BIRC6: variants seen among roughly 807,000 people sequenced by gnomAD.
BIRC6 encodes the protein dual E2 ubiquitin-conjugating enzyme/E3 ubiquitin-protein ligase BIRC6.
BIRC6 carries 98 observed loss-of-function variants against 503.3 expected under a neutral mutation model. The observed-to-expected ratio is 0.19, with a 90% CI of 0.17 to 0.23. The LOEUF (loss-of-function observed/expected upper bound fraction) is 0.23, where lower values mean the gene tolerates loss of function less well. Among genes scored for constraint, BIRC6 ranks in the 10% least tolerant of loss-of-function variants. BIRC6 has a pLI of 1.00. For synonymous variants in BIRC6, 2,240 were observed against 2,078.7 expected, an observed-to-expected ratio of 1.08 and a Z score of -2.11; for missense variants, 5,360 against 5,806.0, an observed-to-expected ratio of 0.92 and a Z score of 2.50.
chr2:32,605,063 A>G (rs1043343317), intron 71 of BIRC6, among the ~76,000 whole-genome samples: 2 of 151,930 alleles, frequency 1.3e-5, no homozygotes, highest in African/African-American at 4.8e-5. Flanking sequence ...TTGTATTTTT[A>G]GTAGAGACAG....
chr2:32,508,108 G>T lies in BIRC6; in HGVS notation c.9829G>T (p.Ala3277Ser). 1.2e-6 allele frequency: 2 copies of T among 1,613,840 alleles called. No homozygotes were observed. The highest frequency in any genetic ancestry group is 1.7e-6 in the Non-Finnish European group (2 of 1,179,886). Residue 3277 changes from alanine to serine, a missense_variant, in exon 51 of 74, where the codon GCT becomes TCT. By Grantham distance (99) the Ala-to-Ser change is moderately conservative. Around this residue, in one of 16 missense-constraint regions of BIRC6, gnomAD observed 62 missense variants for 107.4 expected, o/e 0.58. Transcript: ENST00000421745. Reference protein sequence around the residue: ...IQLVKAEVASAVCLRLHRPRD... With the variant: ...IQLVKAEVASSVCLRLHRPRD... ...GCTTGTAAAAGCCGAAGTAGCTTCT[G>T]CTGTCTGCCTTAGACTACATCGTCC...
intron 15 of BIRC6, among the ~76,000 whole-genome samples, chr2:32,438,557 TC>T (rs143173797): frequency 6.7e-6 from 1 of 149,792 alleles, no homozygotes; most frequent in African/African-American, 2.5e-5. Context: ...ATTTGAGTGT[TC>T]TTTTTTTTTT....
In BIRC6 at chr2:32,561,814, C is replaced by T. The variant is rs190178063; in HGVS notation, c.13144+12333C>T. On this transcript the variant is annotated intron_variant, in intron 65 of 73. Coordinates refer to ENST00000421745, the MANE Select transcript of BIRC6 (RefSeq NM_016252.4). ...ATCCCAGCGCTTTGGGAGGCTGAGGCGGGCGGATCACGAGGTCAGGAGTTC... is the reference window on the plus strand; with the variant it reads ...ATCCCAGCGCTTTGGGAGGCTGAGGTGGGCGGATCACGAGGTCAGGAGTTC... 2.7e-3 allele frequency among the ~76,000 whole-genome samples: 408 copies of T among 150,320 alleles called. 6 individuals carry two copies. The highest frequency in any genetic ancestry group is 2.4e-4 in the Non-Finnish European group (16 of 67,152).
chr2:32,607,980 A>AG (rs2062584481), intron 72 of BIRC6, among the ~76,000 whole-genome samples: 1 of 148,050 alleles, frequency 6.8e-6, no homozygotes, highest in Non-Finnish European at 1.5e-5. Context: ...ATCTCCAAAA[A>AG]AAAAAAAAAA....
intron 66 of BIRC6, among the ~76,000 whole-genome samples, chr2:32,586,958 C>T (rs962903245): frequency 6.6e-6 from 1 of 152,126 alleles, no homozygotes; most frequent in Admixed American, 6.5e-5. Context: ...GAACTCATAC[C>T]TCCTAATGTC....
At chr2:32,548,225 T>G (rs1053667152) in intron 64 of BIRC6, among the ~76,000 whole-genome samples, 1 of 151,998 alleles carries the variant, frequency 6.6e-6, no homozygotes. Flanking sequence ...GCTTCTTCAC[T>G]GAGAGGAAAG....
At position 32,477,427 on chromosome 2, in the gene BIRC6, C is replaced by T; in HGVS notation, c.6912C>T (p.Asp2304=). The T allele has an allele frequency of 6.2e-7, 1 of 1,613,914 alleles. No individual in the cohort carries two copies. The highest frequency in any genetic ancestry group is 1.1e-5 in the South Asian group (1 of 91,078). Reference sequence around the variant, plus strand: ...CAGAATGGTCCCGTTCTAATTTAGACACAGAAGTTACAACAGCAAAAGAAA... The same window carrying T: ...CAGAATGGTCCCGTTCTAATTTAGATACAGAAGTTACAACAGCAAAAGAAA... The part of the protein sequence containing the change: ...RTAEWSRSNL[D]TEVTTAKESP... Residue 2304 remains aspartate, a synonymous_variant, in exon 35 of 74, where the codon GAC becomes GAT. Transcript: ENST00000421745.
At chr2:32,426,924 T>G (rs569208237) in intron 10 of BIRC6, among the ~76,000 whole-genome samples, 1 of 152,318 alleles carries the variant, frequency 6.6e-6, no homozygotes, top group South Asian at 2.1e-4. Flanking sequence ...TGTTGACAGT[T>G]TCTTTCTGTA....
At position 32,599,915 on chromosome 2, in the gene BIRC6, AT is replaced by A. The variant is rs762532731; in HGVS notation, c.13992+21del. ...ATGATGGCAAGGTAAATTAATTGCA[AT>A]TTTTTGTTTCAAATGCCAATGATTG... On this transcript the variant is annotated intron_variant, in intron 70 of 73. Coordinates refer to ENST00000421745, the MANE Select transcript of BIRC6 (RefSeq NM_016252.4). 2.2e-5 allele frequency: 35 copies of A among 1,606,006 alleles called. No individual in the cohort carries two copies. In the South Asian group the frequency reaches 3.8e-4, roughly 17 times the overall value.
chr2:32,615,353 A>C (rs548908656), intron 73 of BIRC6, among the ~76,000 whole-genome samples: 40 of 152,312 alleles, frequency 2.6e-4, no homozygotes, highest in Non-Finnish European at 3.1e-4. Flanking sequence ...CCACAGTGGA[A>C]GGAAAATCAA....
intron 10 of BIRC6, among the ~76,000 whole-genome samples, chr2:32,427,245 T>C (rs575454108): frequency 1.4e-4 from 22 of 152,166 alleles, no homozygotes; most frequent in African/African-American, 5.3e-4. Flanking sequence ...ATATTTTATC[T>C]GTCCTGTAGG....
intron 32 of BIRC6, among the ~76,000 whole-genome samples, chr2:32,471,698 A>G (rs912561779): frequency 5.3e-5 from 8 of 152,212 alleles, no homozygotes; most frequent in Admixed American, 4.6e-4. Flanking sequence ...ATTTTTCCTC[A>G]GAGATTCTTG....
rs141385903 is a variant in BIRC6 at position 32,390,018 on chromosome 2, C to T, written c.839+1075C>T. 7.4e-3 allele frequency among the ~76,000 whole-genome samples: 1,122 copies of T among 152,164 alleles called. 8 individuals carry two copies. Among genetic ancestry groups the T allele is most frequent in the Middle Eastern group, 0.02 (6 of 294 alleles). ...GGGATTACAGACATGTGCCACCATACCGGGGCTAATTTTGTATTTTTAGTA... is the reference window on the plus strand; with the variant it reads ...GGGATTACAGACATGTGCCACCATATCGGGGCTAATTTTGTATTTTTAGTA... On this transcript the variant is annotated intron_variant, in intron 4 of 73. Transcript: ENST00000421745.
intron 50 of BIRC6, among the ~76,000 whole-genome samples, chr2:32,507,094 A>G (rs979384047): frequency 6.6e-6 from 1 of 152,116 alleles, no homozygotes; most frequent in African/African-American, 2.4e-5. Context: ...AATTTCAGCA[A>G]GAATTGATTT....
chr2:32,449,571 A>G (rs1463296458), intron 22 of BIRC6, among the ~76,000 whole-genome samples: 3 of 152,216 alleles, frequency 2.0e-5, no homozygotes, highest in Admixed American at 2.0e-4. Context: ...TGTTGTTAGG[A>G]TACAAAAATG....
intron 60 of BIRC6, 73 bp from the exon 61 acceptor site, chr2:32,531,282 T>G: frequency 3.0e-6 from 4 of 1,313,186 alleles, no homozygotes; most frequent in Non-Finnish European, 4.1e-6. Context: ...TAATACCTGC[T>G]TTTGTAAATG....
At position 32,476,202 on chromosome 2, in the gene BIRC6, G is replaced by C; in HGVS notation, c.6721-11G>C. ...TTGTTAAAGATTAAGTTGTTTATTT[G>C]TTTTATAAAGCAACTTAACCTACTA... is the stretch of plus-strand genomic sequence containing the variant. On this transcript the variant is annotated splice_polypyrimidine_tract_variant and intron_variant, in intron 33 of 73. Coordinates refer to ENST00000421745, the MANE Select transcript of BIRC6 (RefSeq NM_016252.4). 2 of 1,522,280 alleles carry C rather than the reference G, an allele frequency of 1.3e-6. No homozygotes were observed. The highest frequency in any genetic ancestry group is 1.8e-6 in the Non-Finnish European group (2 of 1,137,382). The allele number at this position is 1,522,280 out of a possible 1,614,324, so 94.3% of individuals were successfully genotyped here.
intron 44 of BIRC6, 99 bp from the exon 45 acceptor site, chr2:32,493,441 A>C: frequency 1.8e-6 from 2 of 1,118,590 alleles, no homozygotes; most frequent in Non-Finnish European, 2.5e-6. Context: ...GAAAAGTTAC[A>C]GTGTATAGCT....
At position 32,499,811 on chromosome 2, in the gene BIRC6, C is replaced by T. The variant is rs1408169786; in HGVS notation, c.8733C>T (p.Gly2911=). 13 of 1,613,760 alleles carry T rather than the reference C, an allele frequency of 8.1e-6. No individual in the cohort carries two copies. Among genetic ancestry groups the T allele is most frequent in the East Asian group, 4.5e-5 (2 of 44,896 alleles). The change falls in exon 46 of 74, where the codon GGC becomes GGT. Residue 2911 remains glycine (G), a synonymous_variant. Transcript: ENST00000421745. ...CGGGTGATGCAAAAGCAGTTTGTGG[C>T]GAAATGACAAGAGATCAACTCATGT... ...IRPGDAKAVC[G]EMTRDQLMFD... is the part of the protein sequence containing the mutation.
Sources: gnomAD v4.1 joint callset for allele counts (sites outside exome capture counted in the v4.1 genomes callset) on GRCh38, gnomAD v4.1.1 for gene constraint, gnomAD v4.1.1 regional missense constraint, MANE v1.5 for transcripts, NCBI Gene and HGNC (gene_info 2026-07-23, HGNC 2026-07-21) for gene names.